Variants in GRIA1 observed in about 807,000 individuals in gnomAD.
The protein encoded by GRIA1 is glutamate ionotropic receptor AMPA type subunit 1, also known as glutamate receptor 1.
A neutral mutation model predicts 99.2 loss-of-function variants in GRIA1; 31 were observed. The observed-to-expected ratio is 0.31, with a 90% CI of 0.23 to 0.42. The LOEUF (loss-of-function observed/expected upper bound fraction) is 0.42, where lower values mean the gene tolerates loss of function less well. Among genes scored for constraint, GRIA1 ranks in the 10% least tolerant of loss-of-function variants. The pLI is 1.00. For synonymous variants in GRIA1, 438 were observed against 432.4 expected, an observed-to-expected ratio of 1.01 and a Z score of -0.16; for missense variants, 782 against 1,157.5, an observed-to-expected ratio of 0.68 and a Z score of 4.71.
chr5:153,666,124 G>GA (rs1198576175), intron 5 of GRIA1, among the ~76,000 whole-genome samples: 10 of 152,144 alleles, frequency 6.6e-5, no homozygotes, highest in African/African-American at 2.4e-4. Flanking sequence ...TGATCCACAA[G>GA]ACAAAAGCTG....
chr5:153,747,785 A>AGCCT (rs1762255880), intron 11 of GRIA1, among the ~76,000 whole-genome samples: 1 of 152,214 alleles, frequency 6.6e-6, no homozygotes. Flanking sequence ...AGTGGGGTGT[A>AGCCT]GCCTTTCCCA....
At chr5:153,563,020 A>G (rs1390755117) in intron 2 of GRIA1, among the ~76,000 whole-genome samples, 1 of 151,912 alleles carries the variant, frequency 6.6e-6, no homozygotes, top group African/African-American at 2.4e-5. Context: ...TACTAAAAAT[A>G]GAAAAATTAG....
chr5:153,699,107 G>A (rs749249187), intron 10 of GRIA1, 34 bp downstream of exon 10: 25 of 1,450,622 alleles, frequency 1.7e-5, no homozygotes, highest in East Asian at 1.1e-4. Flanking sequence ...ATTAGAGGGC[G>A]GAGGCAGAGG....
At chr5:153,691,761 C>G (rs748933713) in intron 8 of GRIA1, among the ~76,000 whole-genome samples, 8 of 152,260 alleles carry the variant, frequency 5.3e-5, no homozygotes, top group Middle Eastern at 6.8e-3. Flanking sequence ...CTGCTGAGCC[C>G]AGAGCCCAGG....
Position 153,671,751 on chromosome 5 carries a change from A to G in GRIA1, c.700-2749A>G, listed in dbSNP as rs147931156. ...TTCACTCAACAAATATATACTGTGCACCTACTCTGTGCCAAGCATTGCTCT... is the reference window on the plus strand; with the variant it reads ...TTCACTCAACAAATATATACTGTGCGCCTACTCTGTGCCAAGCATTGCTCT... On this transcript the variant is annotated intron_variant, in intron 5 of 15. Transcript: ENST00000285900. Among the ~76,000 whole-genome samples the G allele has an allele frequency of 3.9e-5, 6 of 152,302 alleles. No individual in the cohort carries two copies. The East Asian group carries it at 1.2e-3, about 29-fold the overall frequency.
chr5:153,810,776 C>A (rs1766756982), intron 15 of GRIA1, among the ~76,000 whole-genome samples: 1 of 152,150 alleles, frequency 6.6e-6, no homozygotes, highest in South Asian at 2.1e-4. Flanking sequence ...AAGAAAGGAT[C>A]TTCTGTCTCA....
intron 11 of GRIA1, among the ~76,000 whole-genome samples, chr5:153,722,740 T>G (rs1760167940): frequency 6.6e-6 from 1 of 152,198 alleles, no homozygotes. Context: ...GGTTCTGAGA[T>G]GGAAGCTGGA....
At chr5:153,564,322 G>A (rs1177621290) in intron 2 of GRIA1, among the ~76,000 whole-genome samples, 1 of 152,118 alleles carries the variant, frequency 6.6e-6, no homozygotes, top group South Asian at 2.1e-4. Context: ...CTGGTAAGAA[G>A]TTTTTGTTTG....
chr5:153,806,564 C>T (rs561166048), intron 15 of GRIA1, among the ~76,000 whole-genome samples: 4 of 152,310 alleles, frequency 2.6e-5, no homozygotes, highest in South Asian at 2.1e-4. Flanking sequence ...ACGCCCCGCC[C>T]TTGGCCCACT....
intron 2 of GRIA1, among the ~76,000 whole-genome samples, chr5:153,609,940 G>A (rs76432256): frequency 3.9e-5 from 6 of 152,066 alleles, no homozygotes; most frequent in Non-Finnish European, 8.8e-5. Flanking sequence ...GCATGATATG[G>A]TTGGTAAATG....
chr5:153,632,411 A>G (rs1753045317), intron 2 of GRIA1, among the ~76,000 whole-genome samples: 1 of 152,172 alleles, frequency 6.6e-6, no homozygotes, highest in African/African-American at 2.4e-5. Flanking sequence ...CTGATGGGGG[A>G]GAAAATCCTA....
intron 2 of GRIA1, among the ~76,000 whole-genome samples, chr5:153,592,916 G>T (rs1346218473): frequency 6.6e-6 from 1 of 152,148 alleles, no homozygotes; most frequent in African/African-American, 2.4e-5. Flanking sequence ...GAGAAATTGA[G>T]TCTCTTTCTC....
Position 153,701,844 on chromosome 5 carries a change from C to T in GRIA1, c.1452+2771C>T, listed in dbSNP as rs1423713842. On this transcript the variant is annotated intron_variant, in intron 10 of 15. Coordinates refer to ENST00000285900, the MANE Select transcript of GRIA1 (RefSeq NM_000827.4). ...TCTGTGGCTTTCTAAATAACTAAGTCGATCAGGCTCTCTCTTATCTTCCTT... is the reference window on the plus strand; with the variant it reads ...TCTGTGGCTTTCTAAATAACTAAGTTGATCAGGCTCTCTCTTATCTTCCTT... Among the ~76,000 whole-genome samples the T allele has an allele frequency of 5.3e-5, 8 of 152,008 alleles. No individual in the cohort carries two copies. In the East Asian group the frequency reaches 5.8e-4, roughly 11 times the overall value.
intron 2 of GRIA1, among the ~76,000 whole-genome samples, chr5:153,524,136 A>G (rs1399908068): frequency 6.6e-6 from 1 of 152,068 alleles, no homozygotes; most frequent in Non-Finnish European, 1.5e-5. Flanking sequence ...GATCAGCCTG[A>G]CCAACATGGT....
intron 1 of GRIA1, among the ~76,000 whole-genome samples, chr5:153,492,684 T>A (rs1754038212): frequency 1.3e-5 from 2 of 152,322 alleles, no homozygotes; most frequent in Admixed American, 1.3e-4. Flanking sequence ...CATGAGGATG[T>A]TTCATGTATG....
At chr5:153,523,794 G>C (rs1757370274) in intron 2 of GRIA1, among the ~76,000 whole-genome samples, 1 of 152,168 alleles carries the variant, frequency 6.6e-6, no homozygotes, top group Non-Finnish European at 1.5e-5. Context: ...ATCAAGAACA[G>C]TACCTGGCAA....
At chr5:153,791,604 G>A (rs1364453871) in intron 13 of GRIA1, among the ~76,000 whole-genome samples, 2 of 152,052 alleles carry the variant, frequency 1.3e-5, no homozygotes, top group African/African-American at 4.8e-5. Flanking sequence ...ACAGCCTGGG[G>A]CAAGTTAAGT....
At chr5:153,693,741 G>A (rs1757916930) in intron 8 of GRIA1, among the ~76,000 whole-genome samples, 1 of 152,134 alleles carries the variant, frequency 6.6e-6, no homozygotes, top group Admixed American at 6.5e-5. Context: ...TGACTGGTAG[G>A]CCCCAATCTT....
chr5:153,752,263 C>A (rs553862516), intron 11 of GRIA1, among the ~76,000 whole-genome samples: 1 of 152,178 alleles, frequency 6.6e-6, no homozygotes, highest in South Asian at 2.1e-4. Flanking sequence ...TCCTGGCGTT[C>A]TCCCACCCCT....
Sources: allele counts gnomAD v4.1 joint callset (sites outside exome capture counted in the v4.1 genomes callset), GRCh38; gene constraint gnomAD v4.1.1; transcripts MANE v1.5; gene names NCBI Gene and HGNC (gene_info 2026-07-23, HGNC 2026-07-21).